The following RBM20 variants were observed in gnomAD, a reference collection of about 807,000 sequenced individuals.
RBM20 encodes the protein RNA binding motif protein 20, also known as RNA-binding protein 20.
Under a neutral mutation model 110.1 loss-of-function variants are expected in RBM20, and 51 were observed. That is an observed-to-expected ratio of 0.46 (90% CI 0.37 to 0.59). RBM20 has a LOEUF of 0.59. Among genes scored for constraint, RBM20 ranks in the 20% least tolerant of loss-of-function variants. The probability of loss-of-function intolerance (pLI) is 0.00; values close to 1 mark genes in which losing one functional copy is unlikely to be tolerated. For missense variants in RBM20, 1,512 were observed against 1,574.9 expected (o/e 0.96, Z 0.68); for synonymous variants, 589 against 618.2 (o/e 0.95, Z 0.70).
intron 1 of RBM20, among the ~76,000 whole-genome samples, chr10:110,779,550 C>T (rs1461909291): frequency 6.6e-6 from 1 of 152,246 alleles, no homozygotes; most frequent in Non-Finnish European, 1.5e-5. Context: ...TTCTGATTTA[C>T]AGCCAGTTGG....
At chr10:110,692,356 A>G (rs1395205894) in intron 1 of RBM20, among the ~76,000 whole-genome samples, 1 of 152,166 alleles carries the variant, frequency 6.6e-6, no homozygotes, top group Non-Finnish European at 1.5e-5. Context: ...TAGGTCACTT[A>G]CAATATTAAG....
At chr10:110,731,403 A>T (rs945831703) in intron 1 of RBM20, among the ~76,000 whole-genome samples, 35 of 152,184 alleles carry the variant, frequency 2.3e-4, no homozygotes, top group Non-Finnish European at 1.6e-4. Context: ...GAGAAGCTAA[A>T]ATTGTGTTTT....
intron 1 of RBM20, among the ~76,000 whole-genome samples, chr10:110,719,793 A>G (rs1412700477): frequency 1.3e-5 from 2 of 152,212 alleles, no homozygotes; most frequent in African/African-American, 4.8e-5. Context: ...AAGGATTGTA[A>G]TATGTGCCTC....
intron 6 of RBM20, among the ~76,000 whole-genome samples, chr10:110,798,805 C>A (rs990555672): frequency 6.6e-6 from 1 of 152,124 alleles, no homozygotes; most frequent in Non-Finnish European, 1.5e-5. Flanking sequence ...TGTCACCGAC[C>A]CCTTTTCCCC....
intron 1 of RBM20, among the ~76,000 whole-genome samples, chr10:110,689,103 T>C (rs181317328): frequency 6.6e-6 from 1 of 152,374 alleles, no homozygotes; most frequent in Non-Finnish European, 1.5e-5. Context: ...AGAAGGACCC[T>C]GTGTACCCTT....
At chr10:110,718,608 C>CTT (rs61629487) in intron 1 of RBM20, among the ~76,000 whole-genome samples, 80 of 101,554 alleles carry the variant, frequency 7.9e-4, no homozygotes, top group Middle Eastern at 7.2e-3. Flanking sequence ...CTACTCCATT[C>CTT]TTTTTTTTTT....
At chr10:110,728,061 T>C (rs1843583318) in intron 1 of RBM20, among the ~76,000 whole-genome samples, 1 of 152,250 alleles carries the variant, frequency 6.6e-6, no homozygotes, top group African/African-American at 2.4e-5. Flanking sequence ...TTGATGGGCA[T>C]TTGGGTTGGT....
chr10:110,711,527 A>G (rs1386132571), intron 1 of RBM20, among the ~76,000 whole-genome samples: 6 of 152,106 alleles, frequency 3.9e-5, no homozygotes, highest in African/African-American at 4.8e-5. Context: ...AGAAATCTAA[A>G]TGAGACTGGA....
Position 110,727,837 on chromosome 10 carries a change from T to A in RBM20, c.192-52964T>A, listed in dbSNP as rs994530050. On this transcript the variant is annotated intron_variant, in intron 1 of 13. Transcript: ENST00000369519. ...CCTCAACAGGCCCCAGTGTGTGGTG[T>A]TCCCCTCCCTGTGTTCATGTGTTCT... 3.3e-5 allele frequency among the ~76,000 whole-genome samples: 5 copies of A among 152,272 alleles called. No individual in the cohort carries two copies. The East Asian group carries it at 9.6e-4, about 29-fold the overall frequency.
intron 1 of RBM20, among the ~76,000 whole-genome samples, chr10:110,695,206 T>C (rs377571449): frequency 1.2e-4 from 18 of 152,298 alleles, no homozygotes; most frequent in African/African-American, 4.3e-4. Context: ...AACTGAGGTG[T>C]TTATTCATCT....
chr10:110,726,785 A>G (rs1843564537), intron 1 of RBM20, among the ~76,000 whole-genome samples: 1 of 152,230 alleles, frequency 6.6e-6, no homozygotes, highest in South Asian at 2.1e-4. Flanking sequence ...CAGGAAAAAG[A>G]TACAAATTAA....
intron 1 of RBM20, among the ~76,000 whole-genome samples, chr10:110,747,221 C>T (rs888400803): frequency 4.0e-5 from 6 of 151,724 alleles, no homozygotes; most frequent in African/African-American, 1.5e-4. Flanking sequence ...ATAACCTCCA[C>T]CTGCTTGTGT....
At chr10:110,742,938 A>G (rs887186214) in intron 1 of RBM20, among the ~76,000 whole-genome samples, 6 of 152,214 alleles carry the variant, frequency 3.9e-5, no homozygotes, top group South Asian at 2.1e-4. Context: ...TCTGCTGAGC[A>G]TGGACCTGGG....
chr10:110,781,481 A>T lies in RBM20; in HGVS notation c.872A>T (p.His291Leu). 1 of 1,551,578 alleles carries T rather than the reference A, an allele frequency of 6.4e-7. No individual in the cohort carries two copies. Among genetic ancestry groups the T allele is most frequent in the East Asian group, 2.4e-5 (1 of 40,928 alleles). The change falls in exon 2 of 14, where the codon CAT (histidine) becomes CTT (leucine). Residue 291 changes from histidine to leucine, a missense_variant. His to Leu is a moderately conservative substitution (Grantham distance 99). Transcript: ENST00000369519. ...TACGGACCCAACTCCCAAGGTTCAC[A>T]TGTGGCCAGCGGATTTCCAGCTGAG... ...DFYGPNSQGS[H>L]VASGFPAEQA...
At chr10:110,779,799 C>T (rs756452152) in intron 1 of RBM20, among the ~76,000 whole-genome samples, 23 of 152,280 alleles carry the variant, frequency 1.5e-4, no homozygotes, top group Admixed American at 2.6e-4. Flanking sequence ...GTATAGGAGA[C>T]GCTGAATTTG....
intron 1 of RBM20, among the ~76,000 whole-genome samples, chr10:110,751,340 T>C (rs1311081480): frequency 6.6e-6 from 1 of 152,214 alleles, no homozygotes; most frequent in Admixed American, 6.5e-5. Context: ...TAAAAAGCCA[T>C]GTTTATTCAT....
intron 5 of RBM20, among the ~76,000 whole-genome samples, chr10:110,792,516 A>G (rs1248845288): frequency 6.6e-6 from 1 of 152,178 alleles, no homozygotes; most frequent in Non-Finnish European, 1.5e-5. Flanking sequence ...TTTTACAGAC[A>G]AGCCAACTTG....
At chr10:110,762,574 C>T (rs547481319) in intron 1 of RBM20, among the ~76,000 whole-genome samples, 6 of 152,328 alleles carry the variant, frequency 3.9e-5, no homozygotes, top group South Asian at 4.1e-4. Context: ...AGCTCACATT[C>T]AGTGTATCAT....
chr10:110,835,800 C>G, intron 13 of RBM20, 68 bp from the exon 14 acceptor site: 52 of 1,436,624 alleles, frequency 3.6e-5, no homozygotes, highest in Non-Finnish European at 4.7e-5. Flanking sequence ...GGCATGTCCG[C>G]TCCTCTCCTC....
Sources: allele counts gnomAD v4.1 joint callset (sites outside exome capture counted in the v4.1 genomes callset), GRCh38; gene constraint gnomAD v4.1.1; transcripts MANE v1.5; gene names NCBI Gene and HGNC (gene_info 2026-07-23, HGNC 2026-07-21).